Variants in EEIG2 observed in about 807,000 individuals in gnomAD.
The protein encoded by EEIG2 is family with sequence similarity 102 member B.
the EEIG2 span, chr1:108,637,826 T>C: frequency 6.6e-6 from 1 of 152,634 alleles, no homozygotes; most frequent in Non-Finnish European, 1.5e-5. Context: ...TGCCCTGAGC[T>C]GCTGAGACCC....
At chr1:108,612,351 C>A in the EEIG2 span, 3 of 1,151,430 alleles carry the variant, frequency 2.6e-6, no homozygotes, top group South Asian at 1.3e-5. Flanking sequence ...TTTAAATAAG[C>A]GTATGTATAT....
chr1:108,605,109 A>AT, the EEIG2 span, among the ~76,000 whole-genome samples: 1 of 152,170 alleles, frequency 6.6e-6, no homozygotes, highest in East Asian at 1.9e-4. Context: ...TGAAACCCCA[A>AT]TTGGAGTGGG....
At chr1:108,594,359 C>T in the EEIG2 span, among the ~76,000 whole-genome samples, 1 of 152,096 alleles carries the variant, frequency 6.6e-6, no homozygotes, top group Non-Finnish European at 1.5e-5. Flanking sequence ...TACTCATGAG[C>T]AGTTTCAGTG....
chr1:108,617,418 G>T, the EEIG2 span, among the ~76,000 whole-genome samples: 1 of 152,178 alleles, frequency 6.6e-6, no homozygotes, highest in Admixed American at 6.5e-5. Context: ...GCTCTCATTT[G>T]TTGAGATGAG....
the EEIG2 span, chr1:108,560,338 C>G: frequency 5.8e-6 from 6 of 1,043,476 alleles, no homozygotes; most frequent in African/African-American, 1.7e-5. Context: ...CTCGCGGCCC[C>G]GGCCATGGGG....
At chr1:108,612,254 A>G in the EEIG2 span, 8 of 1,613,712 alleles carry the variant, frequency 5.0e-6, no homozygotes, top group Non-Finnish European at 6.8e-6. Flanking sequence ...CTGGAAGGCT[A>G]TGATACCAAA....
At chr1:108,632,134 A>AAGGAG in the EEIG2 span, among the ~76,000 whole-genome samples, 17 of 27,584 alleles carry the variant, frequency 6.2e-4, no homozygotes, top group Non-Finnish European at 1.2e-3. Context: ...AAAAAAAAAA[A>AAGGAG]AAGAAGAAGA....
the EEIG2 span, chr1:108,560,265 C>A: frequency 8.0e-6 from 2 of 250,464 alleles, no homozygotes; most frequent in Non-Finnish European, 1.2e-5. Context: ...CCGCGAGAGG[C>A]GGCGGCAGCG....
At chr1:108,620,096 G>A in the EEIG2 span, among the ~76,000 whole-genome samples, 3 of 152,272 alleles carry the variant, frequency 2.0e-5, no homozygotes, top group South Asian at 6.2e-4. Context: ...GAGTAACAGA[G>A]CAATTGTGTG....
At chr1:108,575,155 A>G in the EEIG2 span, among the ~76,000 whole-genome samples, 9 of 152,340 alleles carry the variant, frequency 5.9e-5, no homozygotes, top group Admixed American at 5.2e-4. Context: ...TGCTTTCCTG[A>G]TGAAGATTCA....
chr1:108,574,667 TTGAA>T, the EEIG2 span, among the ~76,000 whole-genome samples: 1 of 152,202 alleles, frequency 6.6e-6, no homozygotes, highest in African/African-American at 2.4e-5. Flanking sequence ...GGAGAATCAC[TTGAA>T]CCCAGGAGGC....
At chr1:108,564,101 G>A in the EEIG2 span, among the ~76,000 whole-genome samples, 3 of 152,284 alleles carry the variant, frequency 2.0e-5, no homozygotes, top group East Asian at 5.8e-4. Flanking sequence ...GAATACTGTT[G>A]TAAAGAGTTT....
chr1:108,567,348 C>T, the EEIG2 span, among the ~76,000 whole-genome samples: 3 of 152,090 alleles, frequency 2.0e-5, no homozygotes, highest in Non-Finnish European at 4.4e-5. Context: ...GCTATTATTA[C>T]GTCATTACCA....
At chr1:108,609,331 G>A in the EEIG2 span, among the ~76,000 whole-genome samples, 3 of 152,274 alleles carry the variant, frequency 2.0e-5, no homozygotes, top group South Asian at 2.1e-4. Flanking sequence ...AGCAGGGGTC[G>A]TTGGAGGAAC....
chr1:108,568,101 A>T, the EEIG2 span, among the ~76,000 whole-genome samples: 18 of 152,302 alleles, frequency 1.2e-4, no homozygotes, highest in African/African-American at 4.3e-4. Flanking sequence ...ATTTAGTCAC[A>T]TTATTGGATA....
the EEIG2 span, among the ~76,000 whole-genome samples, chr1:108,616,197 A>G: frequency 6.7e-6 from 1 of 148,814 alleles, no homozygotes; most frequent in African/African-American, 2.5e-5. Flanking sequence ...TGGCATGACC[A>G]TAGCTTACTA....
At chr1:108,636,038 T>C in the EEIG2 span, 2 of 152,198 alleles carry the variant, frequency 1.3e-5, no homozygotes, top group Non-Finnish European at 2.9e-5. Flanking sequence ...AATTCAGACT[T>C]ATCTGAGGCT....
chr1:108,606,141 C>G, the EEIG2 span: 23 of 878,782 alleles, frequency 2.6e-5, no homozygotes, highest in African/African-American at 5.2e-5. Flanking sequence ...ATATATATGT[C>G]TGCTTCAGAA....
chr1:108,565,801 AT>A, the EEIG2 span, among the ~76,000 whole-genome samples: 1 of 152,188 alleles, frequency 6.6e-6, no homozygotes, highest in African/African-American at 2.4e-5. Context: ...TGTTTTCAAG[AT>A]TTTAGTTCAC....
Sources: allele counts gnomAD v4.1 joint callset (sites outside exome capture counted in the v4.1 genomes callset), GRCh38; gene constraint gnomAD v4.1.1; transcripts MANE v1.5; gene names NCBI Gene and HGNC (gene_info 2026-07-23, HGNC 2026-07-21).